Variants in ERO1A observed in about 807,000 individuals in gnomAD.
ERO1A encodes endoplasmic reticulum oxidoreductase 1 alpha, also known as ERO1-like protein alpha.
In ERO1A, 49 loss-of-function variants were observed where a neutral mutation model predicts 76.9. That is an observed-to-expected ratio of 0.64 (90% CI 0.51 to 0.81). The LOEUF is 0.81. Ranked by LOEUF, ERO1A falls within the 30% of genes least tolerant of loss-of-function variation. The probability of loss-of-function intolerance (pLI) is 0.00; values close to 1 mark genes in which losing one functional copy is unlikely to be tolerated. For synonymous variants in ERO1A, 174 were observed against 181.2 expected (o/e 0.96, Z 0.32); for missense variants, 448 against 542.1 (o/e 0.83, Z 1.72).
Position 52,664,714 on chromosome 14 carries a change from C to T in ERO1A, c.630-867G>A, listed in dbSNP as rs973924848. On this transcript the variant is annotated intron_variant, in intron 7 of 15. Coordinates refer to ENST00000395686, the MANE Select transcript of ERO1A (RefSeq NM_014584.3). ...ACAGAGTCATTCTTTTTTTTTGAGA[C>T]GGAGTCTCACTCTGTCACCCAGGCT... 4.0e-5 allele frequency among the ~76,000 whole-genome samples: 6 copies of T among 150,478 alleles called. No individual in the cohort carries two copies. In the East Asian group the frequency reaches 6.0e-4, roughly 15 times the overall value.
intron 7 of ERO1A, 111 bp from the exon 8 acceptor site, chr14:52,663,958 T>C (rs1337209518): frequency 3.3e-6 from 2 of 608,020 alleles, no homozygotes; most frequent in Non-Finnish European, 5.7e-6. Flanking sequence ...AATTGTTTTA[T>C]TGAGATTATA....
intron 3 of ERO1A, among the ~76,000 whole-genome samples, chr14:52,682,086 T>C (rs1330786613): frequency 6.6e-6 from 1 of 152,114 alleles, no homozygotes; most frequent in African/African-American, 2.4e-5. Context: ...TTTAGTTTTA[T>C]TGGCTGCCTT....
chr14:52,694,005 C>CA (rs1157843040), intron 1 of ERO1A, among the ~76,000 whole-genome samples: 1 of 151,994 alleles, frequency 6.6e-6, no homozygotes, highest in East Asian at 1.9e-4. Context: ...AGCAGAACTC[C>CA]AAAAAGGTTA....
chr14:52,689,633 A>C (rs1051151692), intron 1 of ERO1A, among the ~76,000 whole-genome samples: 1 of 152,220 alleles, frequency 6.6e-6, no homozygotes, highest in South Asian at 2.1e-4. Flanking sequence ...AAAAAACTGA[A>C]GATTACACAA....
intron 1 of ERO1A, among the ~76,000 whole-genome samples, chr14:52,688,389 A>G (rs60295350): frequency 0.042 from 6,400 of 152,216 alleles, 371 homozygotes; most frequent in East Asian, 0.22. Context: ...GCCAGTCATT[A>G]GTTTTTCACT....
chr14:52,653,371 A>G, intron 11 of ERO1A, 56 bp from the exon 12 acceptor site: 1 of 1,423,268 alleles, frequency 7.0e-7, no homozygotes. Context: ...TTTTACTTTA[A>G]TTATATTAGG....
At chr14:52,686,965 A>T (rs1364086732) in intron 1 of ERO1A, among the ~76,000 whole-genome samples, 2 of 152,184 alleles carry the variant, frequency 1.3e-5, no homozygotes, top group African/African-American at 4.8e-5. Context: ...CTAAGGGAGT[A>T]TAAGGGTGGC....
chr14:52,645,910 C>A (rs2039636957), intron 15 of ERO1A, among the ~76,000 whole-genome samples: 1 of 151,852 alleles, frequency 6.6e-6, no homozygotes, highest in Non-Finnish European at 1.5e-5. Flanking sequence ...GTGTCACGCA[C>A]CTGTAATCCC....
intron 1 of ERO1A, among the ~76,000 whole-genome samples, chr14:52,688,123 C>G (rs777117871): frequency 3.3e-4 from 50 of 151,876 alleles, no homozygotes; most frequent in Non-Finnish European, 6.0e-4. Flanking sequence ...GAGGTTGAGG[C>G]TGCAGTGAGC....
chr14:52,650,487 A>G (rs1015680605), intron 13 of ERO1A, among the ~76,000 whole-genome samples: 6 of 130,092 alleles, frequency 4.6e-5, no homozygotes, highest in Non-Finnish European at 9.8e-5. Flanking sequence ...TTTTAAACCT[A>G]CTTAAAAAAA....
At chr14:52,672,937 G>A (rs1376869935) in intron 4 of ERO1A, among the ~76,000 whole-genome samples, 3 of 152,016 alleles carry the variant, frequency 2.0e-5, no homozygotes, top group African/African-American at 7.2e-5. Context: ...TGCCACAAAT[G>A]GAGATACTCC....
At chr14:52,644,001 T>C (rs904506136) in intron 15 of ERO1A, among the ~76,000 whole-genome samples, 1 of 152,048 alleles carries the variant, frequency 6.6e-6, no homozygotes, top group African/African-American at 2.4e-5. Flanking sequence ...TTGCCAGGCA[T>C]GGCTGTGTGT....
chr14:52,662,139 A>G (rs569512437), intron 8 of ERO1A, among the ~76,000 whole-genome samples: 1 of 152,192 alleles, frequency 6.6e-6, no homozygotes, highest in Non-Finnish European at 1.5e-5. Flanking sequence ...CTATGTGACT[A>G]TACCATAAGT....
At chr14:52,669,748 G>A (rs2139707049) in intron 6 of ERO1A, among the ~76,000 whole-genome samples, 1 of 152,140 alleles carries the variant, frequency 6.6e-6, no homozygotes, top group South Asian at 2.1e-4. Context: ...TTTTAGAATT[G>A]GAAATAAGGA....
intron 4 of ERO1A, among the ~76,000 whole-genome samples, chr14:52,674,911 A>C (rs2040728863): frequency 6.6e-6 from 1 of 152,196 alleles, no homozygotes; most frequent in Non-Finnish European, 1.5e-5. Context: ...CAAATATTGG[A>C]CTCTAGTTAA....
At chr14:52,674,579 C>A (rs1339810767) in intron 4 of ERO1A, among the ~76,000 whole-genome samples, 1 of 152,176 alleles carries the variant, frequency 6.6e-6, no homozygotes, top group African/African-American at 2.4e-5. Flanking sequence ...GTGCAAAGTT[C>A]TTCTGCCACT....
At chr14:52,651,397 T>C (rs1334687865) in intron 13 of ERO1A, among the ~76,000 whole-genome samples, 4 of 152,220 alleles carry the variant, frequency 2.6e-5, no homozygotes, top group Non-Finnish European at 2.9e-5. Context: ...CAGCAAAAGA[T>C]AGACTAATAC....
rs935155886 is a variant in ERO1A at position 52,641,634 on chromosome 14, A to C, written c.*1936T>G. On this transcript the variant is annotated 3_prime_UTR_variant, in exon 16 of 16. Transcript: ENST00000395686. ...GTCTCCAAAAAATAAAAATAAAAAA[A>C]GGAAGGGAAGCATAAGATGAGAGAG... 6.6e-6 allele frequency: 1 copy of C among 152,116 alleles called. No individual in the cohort carries two copies. The highest frequency in any genetic ancestry group is 1.5e-5 in the Non-Finnish European group (1 of 68,118). The allele number at this position is 152,116 out of a possible 1,614,324, so 9.4% of individuals were successfully genotyped here.
chr14:52,677,340 C>A, intron 4 of ERO1A, among the ~76,000 whole-genome samples: 1 of 152,052 alleles, frequency 6.6e-6, no homozygotes, highest in Non-Finnish European at 1.5e-5. Flanking sequence ...TACACAGTAA[C>A]TCCTATATAT....
Sources: gnomAD v4.1 joint callset for allele counts (sites outside exome capture counted in the v4.1 genomes callset) on GRCh38, gnomAD v4.1.1 for gene constraint, MANE v1.5 for transcripts, NCBI Gene and HGNC (gene_info 2026-07-23, HGNC 2026-07-21) for gene names.